RALGAPA2: variants seen among roughly 807,000 people sequenced by gnomAD.
The protein encoded by RALGAPA2 is Ral GTPase activating protein catalytic subunit alpha 2, also known as ral GTPase-activating protein subunit alpha-2.
A neutral mutation model predicts 230.4 loss-of-function variants in RALGAPA2; 139 were observed. The ratio of observed to expected loss-of-function variants is 0.60; its 90% CI spans 0.53 to 0.69. The LOEUF is 0.69. RALGAPA2 is among the 30% of genes least tolerant of loss of function. The pLI, the probability that RALGAPA2 is intolerant of heterozygous loss-of-function variation, is 0.00. For synonymous variants in RALGAPA2, 847 were observed against 837.8 expected (o/e 1.01, Z -0.19); for missense variants, 2,163 against 2,276.0 (o/e 0.95, Z 1.01).
At chr20:20,640,624 G>T in intron 6 of RALGAPA2, 77 bp downstream of exon 6, 1 of 1,398,896 alleles carries the variant, frequency 7.1e-7, no homozygotes, top group Non-Finnish European at 9.8e-7. Context: ...TTCTATTCAA[G>T]AAAATGAAAA....
chr20:20,554,773 G>C (rs1420326503), intron 23 of RALGAPA2, among the ~76,000 whole-genome samples: 1 of 152,064 alleles, frequency 6.6e-6, no homozygotes, highest in African/African-American at 2.4e-5. Flanking sequence ...AAACGTGTTG[G>C]GATAACAGGC....
rs1346624829 is a variant in RALGAPA2, at chr20:20,589,360, T to C, written c.2347A>G (p.Lys783Glu). The C allele has an allele frequency of 5.1e-6, 8 of 1,582,680 alleles. No homozygotes were observed. The highest frequency in any genetic ancestry group is 3.6e-5 in the Admixed American group (2 of 55,272). The stretch of plus-strand genomic sequence containing the variant: ...CTCGAATTCTGTGTGTTTTCTGCCT[T>C]TTGACCTAGAAATGGTGGGGCAGGG... ...PLCSDSSQGQ[K>E]AENTQNSSSS... Residue 783 changes from lysine to glutamate, a missense_variant, in exon 18 of 40, where the codon AAG becomes GAG. Lys to Glu is a moderately conservative substitution (Grantham distance 56, BLOSUM62 1). Coordinates refer to ENST00000202677, the MANE Select transcript of RALGAPA2 (RefSeq NM_020343.4).
intron 27 of RALGAPA2, among the ~76,000 whole-genome samples, chr20:20,531,129 G>A (rs946449040): frequency 1.3e-5 from 2 of 152,092 alleles, no homozygotes; most frequent in Admixed American, 6.5e-5. Flanking sequence ...GATTTCCTCT[G>A]GTATAAAACA....
chr20:20,462,650 C>T (rs1287831689), intron 37 of RALGAPA2, among the ~76,000 whole-genome samples: 1 of 152,104 alleles, frequency 6.6e-6, no homozygotes, highest in Non-Finnish European at 1.5e-5. Context: ...TCGTACTCAC[C>T]CCTAGATTAC....
At chr20:20,427,559 C>T (rs532211988) in intron 37 of RALGAPA2, among the ~76,000 whole-genome samples, 7 of 152,018 alleles carry the variant, frequency 4.6e-5, no homozygotes, top group African/African-American at 1.2e-4. Flanking sequence ...CCTGGTGCCC[C>T]GTTTCAAGTG....
intron 36 of RALGAPA2, among the ~76,000 whole-genome samples, chr20:20,490,311 G>A (rs532157813): frequency 6.6e-5 from 10 of 152,294 alleles, no homozygotes; most frequent in African/African-American, 2.4e-4. Flanking sequence ...AATGACAGAT[G>A]CCTTTTCACA....
At chr20:20,420,941 A>T (rs2122858783) in intron 37 of RALGAPA2, among the ~76,000 whole-genome samples, 1 of 152,344 alleles carries the variant, frequency 6.6e-6, no homozygotes, top group African/African-American at 2.4e-5. Context: ...CGCTTTTGGT[A>T]TAGAGGATGC....
chr20:20,523,651 G>T (rs1336751727), intron 30 of RALGAPA2, among the ~76,000 whole-genome samples: 1 of 152,114 alleles, frequency 6.6e-6, no homozygotes, highest in Non-Finnish European at 1.5e-5. Flanking sequence ...ACCCTGATTT[G>T]ATTACGTGAA....
chr20:20,594,803 A>C (rs2065401661), intron 16 of RALGAPA2, among the ~76,000 whole-genome samples: 1 of 144,626 alleles, frequency 6.9e-6, no homozygotes, highest in Non-Finnish European at 1.5e-5. Context: ...ATCTTGACTC[A>C]CTGCAAGCTC....
chr20:20,476,657 C>T (rs968457693), intron 36 of RALGAPA2, among the ~76,000 whole-genome samples: 6 of 140,704 alleles, frequency 4.3e-5, no homozygotes, highest in African/African-American at 1.0e-4. Flanking sequence ...TTTTAGGGTA[C>T]AAAAGGCATA....
chr20:20,522,250 C>CAA (rs1175875335), intron 30 of RALGAPA2, among the ~76,000 whole-genome samples: 18 of 48,310 alleles, frequency 3.7e-4, no homozygotes, highest in Non-Finnish European at 4.5e-4. Flanking sequence ...CGTATATGTA[C>CAA]AAAAAAAAAA....
chr20:20,427,110 A>G (rs1445402554), intron 37 of RALGAPA2, among the ~76,000 whole-genome samples: 2 of 152,182 alleles, frequency 1.3e-5, no homozygotes, highest in Non-Finnish European at 2.9e-5. Context: ...ACAAGAGAAA[A>G]GACTAGTGAG....
intron 23 of RALGAPA2, among the ~76,000 whole-genome samples, chr20:20,550,207 T>C (rs1473934464): frequency 6.6e-6 from 1 of 152,148 alleles, no homozygotes. Context: ...ACTCAGAACT[T>C]AGCTCCCACT....
chr20:20,620,398 C>G, intron 11 of RALGAPA2, 65 bp downstream of exon 11: 1 of 1,520,752 alleles, frequency 6.6e-7, no homozygotes, highest in South Asian at 1.2e-5. Flanking sequence ...AGACTCTTGA[C>G]TGAGCAAGTA....
At chr20:20,674,682 T>C (rs1036807595) in intron 3 of RALGAPA2, among the ~76,000 whole-genome samples, 1 of 152,198 alleles carries the variant, frequency 6.6e-6, no homozygotes, top group Non-Finnish European at 1.5e-5. Context: ...ATGAACTAAA[T>C]TTAAAAACAT....
chr20:20,522,941 T>G (rs557722064), intron 30 of RALGAPA2, among the ~76,000 whole-genome samples: 2 of 152,190 alleles, frequency 1.3e-5, no homozygotes, highest in Non-Finnish European at 2.9e-5. Flanking sequence ...AAGTATCTAA[T>G]GAATCCTAAT....
chr20:20,477,310 C>T (rs972367293), intron 36 of RALGAPA2, among the ~76,000 whole-genome samples: 1 of 152,118 alleles, frequency 6.6e-6, no homozygotes, highest in African/African-American at 2.4e-5. Flanking sequence ...ATAAAATACT[C>T]TACCCAACAA....
Position 20,563,701 on chromosome 20 carries a change from T to C in RALGAPA2, c.3156+7757A>G, listed in dbSNP as rs115665155. ...GTCTTCCTTTTCTCAATTCATCTTC[T>C]TGCCTTTCTGAACCAACATTTGCCT... is the stretch of plus-strand genomic sequence containing the variant. On this transcript the variant is annotated intron_variant, in intron 23 of 39. Transcript: ENST00000202677. Among the ~76,000 whole-genome samples, 1,112 of 152,278 alleles carry C rather than the reference T, an allele frequency of 7.3e-3. 11 individuals carry two copies. The highest frequency in any genetic ancestry group is 0.026 in the African/African-American group (1,066 of 41,544).
At chr20:20,415,587 C>T (rs2060148981) in intron 37 of RALGAPA2, among the ~76,000 whole-genome samples, 1 of 152,182 alleles carries the variant, frequency 6.6e-6, no homozygotes, top group South Asian at 2.1e-4. Context: ...CACATTTTCA[C>T]ATATGAATTT....
Sources: gnomAD v4.1 joint callset for allele counts (sites outside exome capture counted in the v4.1 genomes callset) on GRCh38, gnomAD v4.1.1 for gene constraint, MANE v1.5 for transcripts, NCBI Gene and HGNC (gene_info 2026-07-23, HGNC 2026-07-21) for gene names.